POLR3B: variants seen among roughly 807,000 people sequenced by gnomAD.
The protein encoded by POLR3B is DNA-directed RNA polymerase III subunit RPC2.
In POLR3B, 96 loss-of-function variants were observed where a neutral mutation model predicts 147.4. The ratio of observed to expected loss-of-function variants is 0.65; its 90% CI spans 0.55 to 0.77. The LOEUF (loss-of-function observed/expected upper bound fraction) is 0.77, where lower values mean the gene tolerates loss of function less well. POLR3B is among the 30% of genes least tolerant of loss of function. The pLI is 0.00. For synonymous variants in POLR3B, 461 were observed against 485.9 expected (o/e 0.95, Z 0.67); for missense variants, 1,036 against 1,413.5 (o/e 0.73, Z 4.28).
At chr12:106,468,002 G>A (rs1345666085) in intron 23 of POLR3B, among the ~76,000 whole-genome samples, 1 of 152,124 alleles carries the variant, frequency 6.6e-6, no homozygotes, top group Non-Finnish European at 1.5e-5. Context: ...TTTTTCTATT[G>A]ATTGGAATAG....
chr12:106,374,603 C>G (rs1448687841), intron 6 of POLR3B, among the ~76,000 whole-genome samples: 2 of 152,008 alleles, frequency 1.3e-5, no homozygotes, highest in Non-Finnish European at 1.5e-5. Flanking sequence ...CAACCTCCGC[C>G]TCCCAGGTAC....
intron 1 of POLR3B, among the ~76,000 whole-genome samples, chr12:106,363,455 A>G (rs2136878842): frequency 6.6e-6 from 1 of 152,320 alleles, no homozygotes; most frequent in Middle Eastern, 3.4e-3. Flanking sequence ...TAGCCCTGAG[A>G]TGAGCTCTGA....
intron 23 of POLR3B, among the ~76,000 whole-genome samples, chr12:106,479,326 CTATCA>C (rs2038228468): frequency 1.3e-5 from 2 of 150,782 alleles, no homozygotes; most frequent in Non-Finnish European, 3.0e-5. Context: ...TTTTTTAAAC[CTATCA>C]TATTTTAAAT....
At chr12:106,492,465 A>G (rs2038418819) in intron 23 of POLR3B, among the ~76,000 whole-genome samples, 1 of 152,172 alleles carries the variant, frequency 6.6e-6, no homozygotes, top group African/African-American at 2.4e-5. Context: ...GCTGAAGTGG[A>G]AAGATCACTT....
intron 15 of POLR3B, among the ~76,000 whole-genome samples, chr12:106,432,830 T>C (rs990077576): frequency 1.3e-5 from 2 of 152,172 alleles, no homozygotes; most frequent in African/African-American, 4.8e-5. Flanking sequence ...TCAGATCAAC[T>C]CTTATAATGA....
chr12:106,496,649 C>G, intron 24 of POLR3B, 103 bp from the exon 25 acceptor site: 1 of 961,688 alleles, frequency 1.0e-6, no homozygotes, highest in Non-Finnish European at 1.6e-6. Context: ...TAATTTATTA[C>G]TGTTATTAAT....
chr12:106,473,691 T>A (rs2038124040), intron 23 of POLR3B, among the ~76,000 whole-genome samples: 1 of 62,892 alleles, frequency 1.6e-5, no homozygotes, highest in African/African-American at 7.1e-5. Flanking sequence ...ATAAGAATGC[T>A]TGTGATTTTT....
intron 9 of POLR3B, 52 bp from the exon 10 acceptor site, chr12:106,392,979 C>G: frequency 6.2e-7 from 1 of 1,610,216 alleles, no homozygotes; most frequent in Non-Finnish European, 8.5e-7. Context: ...AAGCAAATGT[C>G]AGTGAGTTAA....
intron 22 of POLR3B, among the ~76,000 whole-genome samples, chr12:106,461,097 A>G (rs78596587): frequency 0.027 from 4,039 of 151,700 alleles, 169 homozygotes; most frequent in African/African-American, 0.093. Flanking sequence ...TTCAAGAAAT[A>G]CTTTTTTTTT....
chr12:106,399,229 G>C (rs1167206561), intron 10 of POLR3B, among the ~76,000 whole-genome samples: 1 of 152,206 alleles, frequency 6.6e-6, no homozygotes, highest in Admixed American at 6.5e-5. Context: ...GGCTATCAGT[G>C]ATGGAAGACG....
At chr12:106,461,221 G>T (rs954475259) in intron 22 of POLR3B, among the ~76,000 whole-genome samples, 1 of 151,924 alleles carries the variant, frequency 6.6e-6, no homozygotes, top group Non-Finnish European at 1.5e-5. Context: ...AGCCTCCCGA[G>T]TAGCTGGGAC....
At chr12:106,455,704 A>G (rs990057687) in intron 20 of POLR3B, among the ~76,000 whole-genome samples, 1 of 152,208 alleles carries the variant, frequency 6.6e-6, no homozygotes, top group African/African-American at 2.4e-5. Flanking sequence ...GTTGCAGTTA[A>G]TGGCTACTGT....
intron 26 of POLR3B, among the ~76,000 whole-genome samples, chr12:106,503,509 A>AT (rs1007264066): frequency 6.6e-6 from 1 of 152,024 alleles, no homozygotes; most frequent in Admixed American, 6.6e-5. Context: ...GATCCCCCTA[A>AT]TTTTAGCTAC....
chr12:106,429,803 A>G (rs183882142), intron 13 of POLR3B, among the ~76,000 whole-genome samples: 2 of 152,330 alleles, frequency 1.3e-5, no homozygotes, highest in East Asian at 1.9e-4. Context: ...TTCTGTTGCT[A>G]CATTTTCCTG....
chr12:106,393,806 C>A (rs1398150591), intron 10 of POLR3B, among the ~76,000 whole-genome samples: 1 of 143,616 alleles, frequency 7.0e-6, no homozygotes, highest in Admixed American at 7.0e-5. Flanking sequence ...ACACACACAC[C>A]CCATAGTAAA....
intron 14 of POLR3B, among the ~76,000 whole-genome samples, chr12:106,431,821 T>G (rs1419113864): frequency 6.6e-6 from 1 of 152,168 alleles, no homozygotes; most frequent in African/African-American, 2.4e-5. Flanking sequence ...TCTGAAAGAG[T>G]TTTTCAGTCT....
intron 23 of POLR3B, among the ~76,000 whole-genome samples, chr12:106,477,919 T>TA (rs2038204064): frequency 1.6e-5 from 2 of 123,134 alleles, no homozygotes; most frequent in Non-Finnish European, 1.7e-5. Context: ...TTTTTTTTTT[T>TA]TTGGAGACAG....
chr12:106,433,210 T>C (rs995465125), intron 15 of POLR3B, among the ~76,000 whole-genome samples: 3 of 152,202 alleles, frequency 2.0e-5, no homozygotes, highest in East Asian at 1.9e-4. Flanking sequence ...GAGGCTAACA[T>C]TGAGTGAGCT....
chr12:106,509,114 G>A (rs933130923), intron 27 of POLR3B, among the ~76,000 whole-genome samples: 4 of 152,160 alleles, frequency 2.6e-5, no homozygotes, highest in African/African-American at 9.7e-5. Context: ...TTTCAAAACA[G>A]TATATTGGCA....
Sources: allele counts gnomAD v4.1 joint callset (sites outside exome capture counted in the v4.1 genomes callset), GRCh38; gene constraint gnomAD v4.1.1; transcripts MANE v1.5; gene names NCBI Gene and HGNC (gene_info 2026-07-23, HGNC 2026-07-21).